The following KCNH7 variants were observed in gnomAD, a reference collection of about 807,000 sequenced individuals.
KCNH7 encodes potassium voltage-gated channel subfamily H member 7.
A neutral mutation model predicts 120.8 loss-of-function variants in KCNH7; 49 were observed. That is an observed-to-expected ratio of 0.41 (90% CI 0.32 to 0.51). The LOEUF (loss-of-function observed/expected upper bound fraction) is 0.51, where lower values mean the gene tolerates loss of function less well. Among genes scored for constraint, KCNH7 ranks in the 20% least tolerant of loss-of-function variants. KCNH7 has a pLI of 0.38. For synonymous variants in KCNH7, 547 were observed against 516.1 expected, an observed-to-expected ratio of 1.06 and a Z score of -0.81; for missense variants, 1,097 against 1,446.6, an observed-to-expected ratio of 0.76 and a Z score of 3.92.
At chr2:162,523,625 A>G (rs1043867837) in intron 3 of KCNH7, among the ~76,000 whole-genome samples, 1 of 151,656 alleles carries the variant, frequency 6.6e-6, no homozygotes, top group African/African-American at 2.4e-5. Flanking sequence ...AAACTATGAC[A>G]CCCACTTTTG....
intron 9 of KCNH7, among the ~76,000 whole-genome samples, chr2:162,422,666 C>T (rs1687744562): frequency 6.6e-6 from 1 of 151,842 alleles, no homozygotes; most frequent in African/African-American, 2.4e-5. Flanking sequence ...AGCAGTGATA[C>T]AGGAAGGGAG....
chr2:162,429,384 T>TG, intron 8 of KCNH7, among the ~76,000 whole-genome samples: 1 of 11,482 alleles, frequency 8.7e-5, no homozygotes, highest in Non-Finnish European at 9.0e-4. Flanking sequence ...GGAAAAAGTC[T>TG]TTTTTTTTTT....
At chr2:162,451,206 C>T (rs1688760221) in intron 6 of KCNH7, among the ~76,000 whole-genome samples, 1 of 151,868 alleles carries the variant, frequency 6.6e-6, no homozygotes. Context: ...TCCAGAGCTA[C>T]CATATAACAT....
chr2:162,748,666 T>G (rs1688399677), intron 2 of KCNH7, among the ~76,000 whole-genome samples: 1 of 152,196 alleles, frequency 6.6e-6, no homozygotes, highest in Non-Finnish European at 1.5e-5. Context: ...GAATGAATCT[T>G]CTGATATTAG....
intron 2 of KCNH7, among the ~76,000 whole-genome samples, chr2:162,569,380 C>G (rs1159522374): frequency 6.6e-6 from 1 of 151,238 alleles, no homozygotes; most frequent in African/African-American, 2.4e-5. Flanking sequence ...GTGATATCCT[C>G]TTTATCATTT....
At chr2:162,417,064 T>A (rs2105477194) in intron 9 of KCNH7, among the ~76,000 whole-genome samples, 1 of 152,266 alleles carries the variant, frequency 6.6e-6, no homozygotes, top group African/African-American at 2.4e-5. Flanking sequence ...TTTTCACTTT[T>A]AAAAAAACAA....
At chr2:162,401,327 A>G (rs1320578127) in intron 9 of KCNH7, among the ~76,000 whole-genome samples, 2 of 151,916 alleles carry the variant, frequency 1.3e-5, no homozygotes, top group African/African-American at 4.8e-5. Context: ...TGGCGTATGT[A>G]GATTTTAATT....
chr2:162,539,348 G>T (rs567765335), intron 2 of KCNH7, among the ~76,000 whole-genome samples: 2 of 151,904 alleles, frequency 1.3e-5, no homozygotes, highest in Non-Finnish European at 2.9e-5. Flanking sequence ...TTGTGAATTC[G>T]CACATTTGCT....
At chr2:162,596,430 A>C (rs185059309) in intron 2 of KCNH7, among the ~76,000 whole-genome samples, 1 of 152,182 alleles carries the variant, frequency 6.6e-6, no homozygotes, top group Admixed American at 6.6e-5. Context: ...TTTTTTGACA[A>C]AGGTGCCAAG....
At chr2:162,621,493 C>A (rs1272672834) in intron 2 of KCNH7, among the ~76,000 whole-genome samples, 1 of 151,898 alleles carries the variant, frequency 6.6e-6, no homozygotes, top group Non-Finnish European at 1.5e-5. Context: ...ATAAGTACTT[C>A]TCTGGGGTTT....
At chr2:162,695,801 A>G (rs770329168) in intron 2 of KCNH7, among the ~76,000 whole-genome samples, 1 of 152,168 alleles carries the variant, frequency 6.6e-6, no homozygotes, top group Non-Finnish European at 1.5e-5. Context: ...AGTCAAATCC[A>G]ACTGGATATT....
At chr2:162,782,052 C>T (rs574424950) in intron 2 of KCNH7, among the ~76,000 whole-genome samples, 52 of 152,252 alleles carry the variant, frequency 3.4e-4, no homozygotes, top group Non-Finnish European at 6.2e-4. Flanking sequence ...ACACAAAACC[C>T]ATGCATAATT....
chr2:162,583,726 T>C (rs1381713037), intron 2 of KCNH7, among the ~76,000 whole-genome samples: 1 of 152,042 alleles, frequency 6.6e-6, no homozygotes, highest in Non-Finnish European at 1.5e-5. Context: ...ACAATGGAAA[T>C]GAGTAACAGT....
chr2:162,478,824 G>A (rs6716685), intron 6 of KCNH7, among the ~76,000 whole-genome samples: 152,057 of 152,260 alleles, frequency 1, 75,927 homozygotes, highest in East Asian at 1. Context: ...GTAGGCCCTC[G>A]GGCAGTTAAA....
At chr2:162,507,016 A>C (rs1237721131) in intron 5 of KCNH7, among the ~76,000 whole-genome samples, 2 of 151,864 alleles carry the variant, frequency 1.3e-5, no homozygotes, top group Non-Finnish European at 2.9e-5. Flanking sequence ...TTCACATATA[A>C]ACACCACAAT....
intron 2 of KCNH7, among the ~76,000 whole-genome samples, chr2:162,627,498 C>T (rs767402565): frequency 6.6e-6 from 1 of 152,046 alleles, no homozygotes; most frequent in African/African-American, 2.4e-5. Context: ...TTTGCTTATG[C>T]ATAATAAATA....
intron 2 of KCNH7, among the ~76,000 whole-genome samples, chr2:162,747,050 A>T (rs989942789): frequency 6.6e-6 from 1 of 152,178 alleles, no homozygotes; most frequent in South Asian, 2.1e-4. Flanking sequence ...ACTTTGTTGG[A>T]TAAAGATACA....
intron 3 of KCNH7, among the ~76,000 whole-genome samples, chr2:162,525,354 A>G (rs1691664537): frequency 6.6e-6 from 1 of 151,930 alleles, no homozygotes; most frequent in Admixed American, 6.6e-5. Flanking sequence ...GCAAATGTTG[A>G]CAATATCTGA....
Position 162,517,831 on chromosome 2 carries a change from C to G in KCNH7, c.791G>C (p.Arg264Thr). Residue 264 changes from arginine (R) to threonine (T), a missense_variant, in exon 4 of 16, where the codon AGG becomes ACG. Physicochemically the swap from Arg to Thr is moderately conservative, Grantham distance 71 (BLOSUM62 -1). Around this residue, in one of 8 missense-constraint regions of KCNH7, gnomAD observed 362 missense variants for 372.2 expected, o/e 0.97. Transcript: ENST00000332142. ...SSSQLSHSRS[R>T]ESLCSIRRAS... is the part of the protein sequence containing the mutation. ...TCTCCGTATACTACATAAGCTTTCC[C>G]TTGATCTGGAATGGGACAGCTGGGA... is the stretch of plus-strand genomic sequence containing the variant. 1 of 1,612,340 alleles carries G rather than the reference C, an allele frequency of 6.2e-7. No individual in the cohort carries two copies. Among genetic ancestry groups the G allele is most frequent in the Non-Finnish European group, 8.5e-7 (1 of 1,178,894 alleles).
Sources: gnomAD v4.1 joint callset for allele counts (sites outside exome capture counted in the v4.1 genomes callset) on GRCh38, gnomAD v4.1.1 for gene constraint, gnomAD v4.1.1 regional missense constraint, MANE v1.5 for transcripts, NCBI Gene and HGNC (gene_info 2026-07-23, HGNC 2026-07-21) for gene names.